The following ALCAM variants were observed in gnomAD, a reference collection of about 807,000 sequenced individuals.
The protein encoded by ALCAM is activated leukocyte cell adhesion molecule, also known as CD166 antigen.
Under a neutral mutation model 70.9 loss-of-function variants are expected in ALCAM, and 30 were observed. That is an observed-to-expected ratio of 0.42 (90% CI 0.32 to 0.57). ALCAM has a LOEUF of 0.57. Ranked by LOEUF, ALCAM falls within the 20% of genes least tolerant of loss-of-function variation. The pLI is 0.11. For synonymous variants in ALCAM, 249 were observed against 242.5 expected, an observed-to-expected ratio of 1.03 and a Z score of -0.25; for missense variants, 591 against 695.1, an observed-to-expected ratio of 0.85 and a Z score of 1.68.
At chr3:105,399,228 C>T (rs1476889654) in intron 1 of ALCAM, among the ~76,000 whole-genome samples, 1 of 152,052 alleles carries the variant, frequency 6.6e-6, no homozygotes, top group Admixed American at 6.6e-5. Flanking sequence ...TATGCATCAT[C>T]GTACCCAGCA....
intron 1 of ALCAM, among the ~76,000 whole-genome samples, chr3:105,478,255 G>T (rs925102266): frequency 6.6e-6 from 1 of 152,102 alleles, no homozygotes; most frequent in African/African-American, 2.4e-5. Flanking sequence ...TGCTGTTCTT[G>T]TGCAGCAGCT....
intron 1 of ALCAM, among the ~76,000 whole-genome samples, chr3:105,464,958 G>T (rs1033576088): frequency 6.6e-6 from 1 of 151,282 alleles, no homozygotes; most frequent in Admixed American, 6.6e-5. Flanking sequence ...TGTACCCAGC[G>T]CATAGAAAAC....
chr3:105,456,751 G>C (rs1408919701), intron 1 of ALCAM, among the ~76,000 whole-genome samples: 2 of 151,022 alleles, frequency 1.3e-5, no homozygotes, highest in Non-Finnish European at 3.0e-5. Flanking sequence ...GCATGCTGGA[G>C]TATTTTGTAA....
At chr3:105,487,532 G>GA (rs1278715502) in intron 1 of ALCAM, among the ~76,000 whole-genome samples, 3 of 151,786 alleles carry the variant, frequency 2.0e-5, no homozygotes, top group African/African-American at 4.8e-5. Context: ...GAGGAATAGA[G>GA]AAAAAAAATG....
Position 105,456,483 on chromosome 3 carries a change from A to G in ALCAM, c.74-63584A>G, listed in dbSNP as rs546657398. Among the ~76,000 whole-genome samples the G allele has an allele frequency of 1.6e-4, 25 of 152,290 alleles. No individual in the cohort carries two copies. In the East Asian group the frequency reaches 3.5e-3, roughly 21 times the overall value. ...AAGCTTCCTTTCCTGCTGTTTTTCT[A>G]TGTATTCCCAGAAAAAAATTCATAG... On this transcript the variant is annotated intron_variant, in intron 1 of 15. Transcript: ENST00000306107.
At chr3:105,437,014 A>G (rs542409966) in intron 1 of ALCAM, among the ~76,000 whole-genome samples, 3 of 152,360 alleles carry the variant, frequency 2.0e-5, no homozygotes, top group Non-Finnish European at 4.4e-5. Flanking sequence ...TGTCCTGTAC[A>G]CTGAGAATAC....
At chr3:105,438,732 A>G (rs2152581727) in intron 1 of ALCAM, among the ~76,000 whole-genome samples, 1 of 152,234 alleles carries the variant, frequency 6.6e-6, no homozygotes, top group South Asian at 2.1e-4. Flanking sequence ...ATAGAGACAC[A>G]GCCCAGATGT....
intron 1 of ALCAM, among the ~76,000 whole-genome samples, chr3:105,444,341 G>C (rs1937247704): frequency 6.6e-6 from 1 of 152,100 alleles, no homozygotes; most frequent in South Asian, 2.1e-4. Context: ...ATCTTACATG[G>C]TGGCAGGAGA....
chr3:105,517,217 A>T (rs1227217031), intron 1 of ALCAM, among the ~76,000 whole-genome samples: 1 of 152,102 alleles, frequency 6.6e-6, no homozygotes, highest in African/African-American at 2.4e-5. Flanking sequence ...TGAACTTGGG[A>T]GTCAGTATAC....
intron 1 of ALCAM, among the ~76,000 whole-genome samples, chr3:105,383,437 A>C (rs1436021900): frequency 6.6e-6 from 1 of 151,828 alleles, no homozygotes; most frequent in Non-Finnish European, 1.5e-5. Context: ...CATACATGAC[A>C]ATTGAATAAA....
intron 1 of ALCAM, among the ~76,000 whole-genome samples, chr3:105,452,956 C>A (rs996435238): frequency 6.6e-6 from 1 of 151,972 alleles, no homozygotes; most frequent in Non-Finnish European, 1.5e-5. Context: ...AAGTTCCTTG[C>A]AGATTCTGGA....
In ALCAM at chr3:105,571,948, C is replaced by G. The variant is rs565623927; in HGVS notation, c.*9C>G. ...ACAAAACTGAAGCCTAAGAGAGAAACTGTCCTAGTTGTCCAGGTGAGTAGT... is the reference window on the plus strand; with the variant it reads ...ACAAAACTGAAGCCTAAGAGAGAAAGTGTCCTAGTTGTCCAGGTGAGTAGT... On this transcript the variant is annotated 3_prime_UTR_variant, in exon 15 of 16. Transcript: ENST00000306107. 6.2e-7 allele frequency: 1 copy of G among 1,600,830 alleles called. No homozygotes were observed. Among genetic ancestry groups the G allele is most frequent in the Non-Finnish European group, 8.6e-7 (1 of 1,168,938 alleles).
At chr3:105,478,857 T>A (rs1238972424) in intron 1 of ALCAM, among the ~76,000 whole-genome samples, 1 of 152,122 alleles carries the variant, frequency 6.6e-6, no homozygotes, top group Non-Finnish European at 1.5e-5. Flanking sequence ...GCATGAATGA[T>A]GATTTAGAGT....
intron 1 of ALCAM, among the ~76,000 whole-genome samples, chr3:105,412,108 TA>T (rs768577375): frequency 2.0e-5 from 3 of 152,080 alleles, no homozygotes; most frequent in Non-Finnish European, 4.4e-5. Context: ...ATGCTATAAG[TA>T]AAACCCTGAG....
At chr3:105,409,363 A>T (rs1447520250) in intron 1 of ALCAM, among the ~76,000 whole-genome samples, 1 of 152,070 alleles carries the variant, frequency 6.6e-6, no homozygotes, top group Non-Finnish European at 1.5e-5. Flanking sequence ...ACACCATGGA[A>T]TGCTACTCAG....
At chr3:105,439,649 T>C (rs919703579) in intron 1 of ALCAM, among the ~76,000 whole-genome samples, 7 of 152,182 alleles carry the variant, frequency 4.6e-5, no homozygotes, top group Non-Finnish European at 1.0e-4. Flanking sequence ...CCATTCTGAA[T>C]TGGAAAATTG....
intron 1 of ALCAM, among the ~76,000 whole-genome samples, chr3:105,505,353 A>G (rs1268458619): frequency 6.6e-6 from 1 of 152,174 alleles, no homozygotes; most frequent in African/African-American, 2.4e-5. Context: ...CCAGAGAAGG[A>G]GGAAGAGAGT....
intron 14 of ALCAM, among the ~76,000 whole-genome samples, chr3:105,561,588 T>G (rs1940632053): frequency 6.6e-6 from 1 of 152,044 alleles, no homozygotes; most frequent in African/African-American, 2.4e-5. Flanking sequence ...GAATTCTGAC[T>G]CCACCTGCAA....
chr3:105,408,776 G>A (rs1329237499), intron 1 of ALCAM, among the ~76,000 whole-genome samples: 2 of 152,124 alleles, frequency 1.3e-5, no homozygotes, highest in African/African-American at 4.8e-5. Context: ...CCACTGAGTA[G>A]GAGAAACTCT....
Sources: gnomAD v4.1 joint callset for allele counts (sites outside exome capture counted in the v4.1 genomes callset) on GRCh38, gnomAD v4.1.1 for gene constraint, MANE v1.5 for transcripts, NCBI Gene and HGNC (gene_info 2026-07-23, HGNC 2026-07-21) for gene names.